Variants in RNF24 observed in about 807,000 individuals in gnomAD.
The protein encoded by RNF24 is ring finger protein 24.
In RNF24, 14 loss-of-function variants were observed where a neutral mutation model predicts 20.0. The observed-to-expected ratio is 0.70, with a 90% CI of 0.46 to 1.10. RNF24 has a LOEUF of 1.10. Among genes scored for constraint, RNF24 ranks in the 50% least tolerant of loss-of-function variants. The pLI, the probability that RNF24 is intolerant of heterozygous loss-of-function variation, is 0.00. For synonymous variants in RNF24, 45 were observed against 61.1 expected (o/e 0.74, Z 1.23); for missense variants, 124 against 177.6 (o/e 0.70, Z 1.71).
At chr20:4,002,634 G>A (rs1600716968) in intron 1 of RNF24, among the ~76,000 whole-genome samples, 1 of 152,128 alleles carries the variant, frequency 6.6e-6, no homozygotes, top group Non-Finnish European at 1.5e-5. Flanking sequence ...AATGAAAAAA[G>A]TCATGGCAGT....
intron 1 of RNF24, among the ~76,000 whole-genome samples, chr20:3,968,213 A>T (rs530614683): frequency 8.0e-4 from 121 of 151,966 alleles, no homozygotes; most frequent in Non-Finnish European, 1.5e-3. Flanking sequence ...GCTGAGGCAG[A>T]TTAGCTTCAA....
chr20:4,001,484 T>C (rs1981384063), intron 1 of RNF24, among the ~76,000 whole-genome samples: 1 of 152,168 alleles, frequency 6.6e-6, no homozygotes, highest in African/African-American at 2.4e-5. Flanking sequence ...AGGCTGAATA[T>C]GAGGCACATA....
At chr20:3,965,594 G>T (rs1023555158) in intron 1 of RNF24, among the ~76,000 whole-genome samples, 3 of 152,188 alleles carry the variant, frequency 2.0e-5, no homozygotes, top group African/African-American at 7.2e-5. Flanking sequence ...CCTACATTCA[G>T]ATCTTCTTAC....
intron 2 of RNF24, among the ~76,000 whole-genome samples, chr20:3,961,033 T>A (rs2091196344): frequency 6.6e-6 from 1 of 152,072 alleles, no homozygotes. Flanking sequence ...CCTCAAGTGA[T>A]CCGCCTGCCT....
chr20:3,983,940 CAAAAAAAA>C (rs56680870), intron 1 of RNF24, among the ~76,000 whole-genome samples: 2 of 65,666 alleles, frequency 3.0e-5, no homozygotes, highest in Admixed American at 2.2e-4. Context: ...GACTTGGTCT[CAAAAAAAA>C]AAAAAAAAAA....
intron 2 of RNF24, among the ~76,000 whole-genome samples, chr20:3,951,887 G>A (rs2091085745): frequency 6.6e-6 from 1 of 152,166 alleles, no homozygotes; most frequent in Non-Finnish European, 1.5e-5. Context: ...ACCAAAAGAT[G>A]TTTGTTTCAG....
rs1343966795 is a variant in RNF24, at chr20:3,927,345, T to A, written c.*6718A>T. The A allele has an allele frequency of 6.6e-6, 1 of 152,200 alleles. No individual in the cohort carries two copies. Among genetic ancestry groups the A allele is most frequent in the African/African-American group, 2.4e-5 (1 of 41,444 alleles). 9.4% of individuals were successfully genotyped at this position (152,200 alleles called of 1,614,324 possible). On this transcript the variant is annotated 3_prime_UTR_variant, in exon 6 of 6. Transcript: ENST00000358395. ...ATTTGCTTTTATTTACACGTTTGAGTCAATTACATGCATGTTTTATTTTTG... is the reference window on the plus strand; with the variant it reads ...ATTTGCTTTTATTTACACGTTTGAGACAATTACATGCATGTTTTATTTTTG...
chr20:4,009,282 G>A (rs1044226289), intron 1 of RNF24, among the ~76,000 whole-genome samples: 29 of 152,276 alleles, frequency 1.9e-4, no homozygotes, highest in Admixed American at 1.8e-3. Flanking sequence ...GATAGAGGAG[G>A]GTCAGGGAAA....
chr20:3,936,284 G>A (rs1355822069), intron 4 of RNF24, among the ~76,000 whole-genome samples: 1 of 152,166 alleles, frequency 6.6e-6, no homozygotes, highest in Non-Finnish European at 1.5e-5. Flanking sequence ...AGCAGGACAG[G>A]TGGCTGGCCT....
intron 1 of RNF24, among the ~76,000 whole-genome samples, chr20:4,001,121 G>A (rs1981351149): frequency 6.6e-6 from 1 of 152,156 alleles, no homozygotes; most frequent in East Asian, 1.9e-4. Context: ...CAAAAAATTA[G>A]CCGGGCGTGG....
At chr20:4,009,533 A>G (rs1238245327) in intron 1 of RNF24, among the ~76,000 whole-genome samples, 3 of 152,072 alleles carry the variant, frequency 2.0e-5, no homozygotes, top group Non-Finnish European at 4.4e-5. Context: ...AGATTTCTAC[A>G]TTTGGTTGGG....
intron 1 of RNF24, among the ~76,000 whole-genome samples, chr20:3,987,558 G>A (rs1378235819): frequency 6.6e-6 from 1 of 152,102 alleles, no homozygotes; most frequent in Admixed American, 6.5e-5. Context: ...TTTACTCAGA[G>A]CCAATTTTTA....
chr20:3,974,084 T>C (rs1978642493), intron 1 of RNF24, among the ~76,000 whole-genome samples: 1 of 148,612 alleles, frequency 6.7e-6, no homozygotes, highest in South Asian at 2.1e-4. Flanking sequence ...AAAATCAATG[T>C]AATCTATCCA....
chr20:3,972,159 G>A (rs188119155), intron 1 of RNF24, among the ~76,000 whole-genome samples: 133 of 152,224 alleles, frequency 8.7e-4, no homozygotes, highest in Admixed American at 8.6e-3. Flanking sequence ...AGGAAAAACT[G>A]ACTGAACTGA....
chr20:4,003,863 C>CA (rs1460495264), intron 1 of RNF24, among the ~76,000 whole-genome samples: 1 of 151,820 alleles, frequency 6.6e-6, no homozygotes, highest in East Asian at 1.9e-4. Context: ...AGGCTGGTCT[C>CA]AAACTCCTGA....
At chr20:3,956,903 G>A (rs747278664) in intron 2 of RNF24, among the ~76,000 whole-genome samples, 4 of 152,286 alleles carry the variant, frequency 2.6e-5, no homozygotes, top group East Asian at 3.9e-4. Context: ...GCTTATGCCT[G>A]TAATCCCAGC....
intron 1 of RNF24, among the ~76,000 whole-genome samples, chr20:4,002,514 G>T (rs1981498885): frequency 6.6e-6 from 1 of 152,116 alleles, no homozygotes; most frequent in Non-Finnish European, 1.5e-5. Context: ...TAGGCACAGG[G>T]CCATAATAAA....
intron 1 of RNF24, among the ~76,000 whole-genome samples, chr20:3,978,075 T>A (rs1979042639): frequency 6.6e-6 from 1 of 151,282 alleles, no homozygotes; most frequent in Admixed American, 6.6e-5. Context: ...AAAACTAATT[T>A]TTTTTTTTTT....
At chr20:3,974,242 A>G (rs771982868) in intron 1 of RNF24, 53 of 1,411,256 alleles carry the variant, frequency 3.8e-5, no homozygotes, top group Admixed American at 1.2e-4. Context: ...AAGCATCTAC[A>G]AAAAACAAAC....
Sources: gnomAD v4.1 joint callset for allele counts (sites outside exome capture counted in the v4.1 genomes callset) on GRCh38, gnomAD v4.1.1 for gene constraint, MANE v1.5 for transcripts, NCBI Gene and HGNC (gene_info 2026-07-23, HGNC 2026-07-21) for gene names.